The following GULP1 variants were observed in gnomAD, a reference collection of about 807,000 sequenced individuals.
GULP1 encodes the protein PTB domain-containing engulfment adapter protein 1.
GULP1 carries 19 observed loss-of-function variants against 40.9 expected under a neutral mutation model. That is an observed-to-expected ratio of 0.46 (90% CI 0.32 to 0.68). GULP1 has a LOEUF of 0.68. Ranked by LOEUF, GULP1 falls within the 30% of genes least tolerant of loss-of-function variation. The pLI, the probability that GULP1 is intolerant of heterozygous loss-of-function variation, is 0.03. For synonymous variants in GULP1, 119 were observed against 117.6 expected, an observed-to-expected ratio of 1.01 and a Z score of -0.08; for missense variants, 312 against 362.2, an observed-to-expected ratio of 0.86 and a Z score of 1.12.
chr2:188,352,899 A>G (rs898284988), intron 1 of GULP1, among the ~76,000 whole-genome samples: 29 of 152,250 alleles, frequency 1.9e-4, no homozygotes, highest in African/African-American at 7.0e-4. Flanking sequence ...ATAAAACAAG[A>G]TGACATTGAT....
intron 1 of GULP1, among the ~76,000 whole-genome samples, chr2:188,348,492 CAT>C (rs2043997744): frequency 6.6e-6 from 1 of 152,124 alleles, no homozygotes; most frequent in Admixed American, 6.6e-5. Context: ...GTAGATTAAA[CAT>C]ATATTTATGA....
intron 2 of GULP1, among the ~76,000 whole-genome samples, chr2:188,430,533 A>T (rs1348067909): frequency 6.6e-6 from 1 of 152,190 alleles, no homozygotes; most frequent in Non-Finnish European, 1.5e-5. Flanking sequence ...ACAACATGGG[A>T]AGTTGCCTGG....
At chr2:188,473,426 A>C (rs1175276833) in intron 2 of GULP1, among the ~76,000 whole-genome samples, 1 of 152,154 alleles carries the variant, frequency 6.6e-6, no homozygotes, top group African/African-American at 2.4e-5. Context: ...CGTGAACTAG[A>C]GTCAAAACCA....
chr2:188,337,090 CTATAT>C (rs1559125025), intron 1 of GULP1, among the ~76,000 whole-genome samples: 5 of 3,308 alleles, frequency 1.5e-3, no homozygotes, highest in African/African-American at 4.1e-3. Context: ...ATATCTGTAT[CTATAT>C]CTATATCTAT....
intron 2 of GULP1, among the ~76,000 whole-genome samples, chr2:188,410,721 G>A (rs991997204): frequency 6.6e-6 from 1 of 152,128 alleles, no homozygotes; most frequent in African/African-American, 2.4e-5. Flanking sequence ...TGGAATCATT[G>A]TTGTGTCCTC....
chr2:188,384,123 C>T (rs1360405132), intron 2 of GULP1: 1 of 151,888 alleles, frequency 6.6e-6, no homozygotes, highest in Non-Finnish European at 1.5e-5. Flanking sequence ...TGGATTTTTC[C>T]TTTAAGCAAA....
At chr2:188,549,978 G>A (rs1693024248) in intron 7 of GULP1, among the ~76,000 whole-genome samples, 3 of 151,680 alleles carry the variant, frequency 2.0e-5, no homozygotes, top group Non-Finnish European at 3.0e-5. Context: ...TTATAAAACA[G>A]CAAGATGAAG....
At chr2:188,334,579 T>C (rs2042025723) in intron 1 of GULP1, among the ~76,000 whole-genome samples, 1 of 152,224 alleles carries the variant, frequency 6.6e-6, no homozygotes, top group South Asian at 2.1e-4. Flanking sequence ...AGTCTAGTCC[T>C]GATGTGTCTG....
At chr2:188,559,470 A>G (rs990695996) in intron 7 of GULP1, among the ~76,000 whole-genome samples, 5 of 152,192 alleles carry the variant, frequency 3.3e-5, no homozygotes, top group Admixed American at 1.3e-4. Context: ...CTGCTAGGGC[A>G]GTGCGGAAGG....
chr2:188,523,000 G>T, intron 5 of GULP1, 173 bp downstream of exon 5: 1 of 493,900 alleles, frequency 2.0e-6, no homozygotes, highest in Non-Finnish European at 3.7e-6. Flanking sequence ...TAACAAACAT[G>T]TACACAAAAT....
Position 188,405,120 on chromosome 2 carries a change from T to C in GULP1, c.-45+21231T>C, listed in dbSNP as rs1309478147. Among the ~76,000 whole-genome samples, 6 of 152,192 alleles carry C rather than the reference T, an allele frequency of 3.9e-5. No individual in the cohort carries two copies. In the East Asian group the frequency reaches 9.7e-4, roughly 25 times the overall value. ...GACCTAGGCTCCAGAACTGCTCCCA[T>C]GCGAGGTTTCAGACTGGTCTCTGTG... On this transcript the variant is annotated intron_variant, in intron 2 of 11. Coordinates refer to ENST00000409830, the MANE Select transcript of GULP1 (RefSeq NM_016315.4).
chr2:188,525,848 T>A (rs745391315), intron 5 of GULP1, among the ~76,000 whole-genome samples: 20 of 152,202 alleles, frequency 1.3e-4, no homozygotes, highest in Non-Finnish European at 2.8e-4. Flanking sequence ...TATTTTGTCT[T>A]CACAATCAGT....
intron 3 of GULP1, among the ~76,000 whole-genome samples, chr2:188,479,086 GA>G (rs1486356727): frequency 6.6e-6 from 1 of 152,108 alleles, no homozygotes; most frequent in African/African-American, 2.4e-5. Flanking sequence ...TAATGTCACT[GA>G]TTTAATATAG....
chr2:188,582,624 C>T (rs1212905761), intron 9 of GULP1: 3 of 423,658 alleles, frequency 7.1e-6, no homozygotes, highest in African/African-American at 6.2e-5. Context: ...TTAAATTCTG[C>T]CAAAATGTGC....
At chr2:188,561,844 T>C (rs890921145) in intron 7 of GULP1, among the ~76,000 whole-genome samples, 2 of 152,152 alleles carry the variant, frequency 1.3e-5, no homozygotes, top group Admixed American at 1.3e-4. Flanking sequence ...GTGGTAGTCC[T>C]TGCCTAGGTT....
intron 1 of GULP1, among the ~76,000 whole-genome samples, chr2:188,381,608 A>C (rs909813581): frequency 2.0e-5 from 3 of 152,154 alleles, no homozygotes; most frequent in African/African-American, 7.2e-5. Context: ...ATTTCTCTCT[A>C]ATTTCTGTTC....
chr2:188,465,220 C>A (rs551308478), intron 2 of GULP1, among the ~76,000 whole-genome samples: 26 of 152,144 alleles, frequency 1.7e-4, no homozygotes, highest in African/African-American at 6.0e-4. Flanking sequence ...TTGTTAAGGG[C>A]ATGTTACAAA....
chr2:188,542,988 T>C (rs544121313), intron 7 of GULP1, among the ~76,000 whole-genome samples: 4 of 152,262 alleles, frequency 2.6e-5, no homozygotes, highest in Non-Finnish European at 4.4e-5. Context: ...GGCCTTCTTA[T>C]AGATTTGTGC....
At chr2:188,579,149 G>T (rs1336413331) in intron 9 of GULP1, among the ~76,000 whole-genome samples, 2 of 152,054 alleles carry the variant, frequency 1.3e-5, no homozygotes, top group African/African-American at 4.8e-5. Context: ...TTGCTTCTAG[G>T]TTAGGAATCA....
Sources: allele counts gnomAD v4.1 joint callset (sites outside exome capture counted in the v4.1 genomes callset), GRCh38; gene constraint gnomAD v4.1.1; transcripts MANE v1.5; gene names NCBI Gene and HGNC (gene_info 2026-07-23, HGNC 2026-07-21).